The following UBR4 variants were observed in gnomAD, a reference collection of about 807,000 sequenced individuals.
UBR4 encodes the protein ubiquitin protein ligase E3 component n-recognin 4.
In UBR4, 124 loss-of-function variants were observed where a neutral mutation model predicts 575.6. That is an observed-to-expected ratio of 0.22 (90% CI 0.19 to 0.25). UBR4 has a LOEUF of 0.25. Ranked by LOEUF, UBR4 falls within the 10% of genes least tolerant of loss-of-function variation. The pLI, the probability that UBR4 is intolerant of heterozygous loss-of-function variation, is 1.00. For synonymous variants in UBR4, 2,455 were observed against 2,473.7 expected (o/e 0.99, Z 0.22); for missense variants, 4,818 against 6,478.8 (o/e 0.74, Z 8.80).
rs1376021780 is a variant in UBR4, at chr1:19,177,450, T to C, written c.2637+11A>G. 5.0e-6 allele frequency: 8 copies of C among 1,608,328 alleles called. No homozygotes were observed. The highest frequency in any genetic ancestry group is 1.3e-5 in the African/African-American group (1 of 74,818). On this transcript the variant is annotated intron_variant, in intron 19 of 105. Coordinates refer to ENST00000375254, the MANE Select transcript of UBR4 (RefSeq NM_020765.3). The stretch of plus-strand genomic sequence containing the variant: ...TAATGGTGAAGCAAAAAAGAACGTG[T>C]TGGTCTGTACCTGCTCAAATAGATA...
chr1:19,134,758 A>C (rs1391558182), intron 60 of UBR4, among the ~76,000 whole-genome samples: 1 of 151,960 alleles, frequency 6.6e-6, no homozygotes, highest in Non-Finnish European at 1.5e-5. Flanking sequence ...AGAACCTCAC[A>C]GAAGAACCAC....
At chr1:19,086,935 G>A in intron 99 of UBR4, 114 bp from the exon 100 acceptor site, 2 of 1,441,196 alleles carry the variant, frequency 1.4e-6, no homozygotes, top group Middle Eastern at 2.1e-4. Flanking sequence ...GTTTCAGGTT[G>A]CTCTCACTAG....
intron 12 of UBR4, 67 bp downstream of exon 12, chr1:19,187,373 CA>C: frequency 6.2e-7 from 1 of 1,610,466 alleles, no homozygotes; most frequent in Non-Finnish European, 8.5e-7. Flanking sequence ...GTTGATGGAT[CA>C]AGCTTGCTTG....
rs2086034805 is a variant in UBR4, at chr1:19,153,604, G to A, written c.6631-102C>T. On this transcript the variant is annotated intron_variant, in intron 45 of 105. Coordinates refer to ENST00000375254, the MANE Select transcript of UBR4 (RefSeq NM_020765.3). This position sits in a 1 kb window ranked among gnomAD's most constrained non-coding sequence, Gnocchi z 4.1. ...TGCAACTGGTTTCATGGTCAGTTGA[G>A]GGGCTGTACAGAAGGGTGGCAAAGA... The A allele has an allele frequency of 6.6e-7, 1 of 1,507,528 alleles. No homozygotes were observed. Among genetic ancestry groups the A allele is most frequent in the East Asian group, 2.3e-5 (1 of 44,016 alleles). 93.4% of individuals were successfully genotyped at this position (1,507,528 alleles called of 1,614,324 possible). A position where few individuals can be genotyped will look rare whatever the true frequency, so the allele number is the denominator to read the frequency against.
chr1:19,082,502 C>G (rs2076618276), intron 102 of UBR4, among the ~76,000 whole-genome samples: 1 of 152,188 alleles, frequency 6.6e-6, no homozygotes, highest in African/African-American at 2.4e-5. Context: ...GACTTAAGTC[C>G]TTCCTGATGA....
chr1:19,082,129 A>G (rs2076578880), intron 102 of UBR4: 1 of 289,972 alleles, frequency 3.4e-6, no homozygotes, highest in Non-Finnish European at 6.5e-6. Flanking sequence ...CTTCTGATCT[A>G]GGATCCTCCC....
chr1:19,153,901 T>G lies in UBR4; in HGVS notation c.6497A>C (p.Gln2166Pro). 6.2e-7 allele frequency: 1 copy of G among 1,614,144 alleles called. No homozygotes were observed. Among genetic ancestry groups the G allele is most frequent in the Non-Finnish European group, 8.5e-7 (1 of 1,180,008 alleles). ...GGSKTSPALC[Q>P]WSEVMNHPGL... ...AGGGTGGTTCATCACCTCAGACCAC[T>G]GGCAAAGAGCAGGAGAAGTCTTACT... The change falls in exon 45 of 106, where the codon CAG becomes CCG. Residue 2166 changes from glutamine (Q) to proline (P), a missense_variant. By Grantham distance (76) the Gln-to-Pro change is moderately conservative. This residue lies in a region of UBR4 where 461 missense variants were observed against 606.9 expected (regional missense o/e 0.76). Coordinates refer to ENST00000375254, the MANE Select transcript of UBR4 (RefSeq NM_020765.3). The surrounding 1 kb of genome is among the most constrained non-coding windows in gnomAD (Gnocchi z 4.1).
chr1:19,169,383 G>C (rs373849313), intron 27 of UBR4, 52 bp downstream of exon 27: 27 of 1,501,198 alleles, frequency 1.8e-5, no homozygotes, highest in Admixed American at 8.2e-5. Flanking sequence ...AAGAACAAAA[G>C]ACAGAATGGC....
At chr1:19,122,764 C>T (rs1020782132) in intron 66 of UBR4, 69 bp downstream of exon 66, 79 of 1,536,222 alleles carry the variant, frequency 5.1e-5, no homozygotes, top group Admixed American at 4.0e-4. Context: ...TACCTCCAGC[C>T]CTATTACCTA....
chr1:19,180,521 CTAAGT>C (rs1378402295), intron 17 of UBR4, among the ~76,000 whole-genome samples: 2 of 135,564 alleles, frequency 1.5e-5, no homozygotes, highest in Non-Finnish European at 3.1e-5. Flanking sequence ...TTCTTAATTC[CTAAGT>C]TAAATGAAAC....
intron 83 of UBR4, 53 bp downstream of exon 83, chr1:19,106,516 A>T (rs2079216077): frequency 1.3e-6 from 2 of 1,502,572 alleles, no homozygotes; most frequent in Middle Eastern, 1.8e-4. Flanking sequence ...CATATTGCTC[A>T]GAGTCTGGGG....
intron 91 of UBR4, 53 bp downstream of exon 91, chr1:19,097,140 G>A (rs1284347301): frequency 6.6e-7 from 1 of 1,504,592 alleles, no homozygotes; most frequent in Middle Eastern, 2.1e-4. Flanking sequence ...CCTGGGACGT[G>A]AGCCGCTCAT....
intron 7 of UBR4, 95 bp downstream of exon 7, chr1:19,197,575 C>T (rs2092536610): frequency 8.6e-6 from 13 of 1,520,014 alleles, no homozygotes; most frequent in Middle Eastern, 2.1e-4. Flanking sequence ...TACAGTGAAC[C>T]GAGACTGCAC....
At chr1:19,102,653 A>C (rs1476020244) in intron 87 of UBR4, among the ~76,000 whole-genome samples, 1 of 152,192 alleles carries the variant, frequency 6.6e-6, no homozygotes, top group Non-Finnish European at 1.5e-5. Context: ...AGCCAGGGAG[A>C]TAAGCAAAAC....
At chr1:19,077,924 A>T in intron 104 of UBR4, 52 bp downstream of exon 104, 3 of 1,613,034 alleles carry the variant, frequency 1.9e-6, no homozygotes, top group Non-Finnish European at 2.5e-6. Context: ...ACAGGAGTGC[A>T]GACATTTTAC....
Position 19,143,219 on chromosome 1 carries a change from G to A in UBR4, c.8179+761C>T, listed in dbSNP as rs866220217. Among the ~76,000 whole-genome samples, 477 of 99,364 alleles carry A rather than the reference G, an allele frequency of 4.8e-3. 2 individuals carry two copies. Among genetic ancestry groups the A allele is most frequent in the African/African-American group, 0.016 (443 of 27,472 alleles). The allele number at this position is 99,364 out of a possible 152,430, so 65.2% of individuals were successfully genotyped here. ...GAAGGAAGGAAGGAAGGAAAGAAAG[G>A]AAGGAAGGAAGGAAGGCAGGAAGGA... On this transcript the variant is annotated intron_variant, in intron 55 of 105. Transcript: ENST00000375254.
chr1:19,195,266 A>AAAT (rs56018841), intron 8 of UBR4, among the ~76,000 whole-genome samples: 44 of 143,286 alleles, frequency 3.1e-4, no homozygotes, highest in South Asian at 6.6e-4. Flanking sequence ...CTCCATCTCA[A>AAAT]AATAATAATA....
At chr1:19,203,217 C>T (rs1000799533) in intron 1 of UBR4, among the ~76,000 whole-genome samples, 1 of 152,018 alleles carries the variant, frequency 6.6e-6, no homozygotes, top group Non-Finnish European at 1.5e-5. Context: ...TATGGTGGGA[C>T]GCATTGTAGC....
chr1:19,206,291 C>T (rs1201610426), intron 1 of UBR4, among the ~76,000 whole-genome samples: 1 of 151,954 alleles, frequency 6.6e-6, no homozygotes, highest in Non-Finnish European at 1.5e-5. Context: ...CAGCTATAAT[C>T]GTCCCACTGT....
Sources: gnomAD v4.1 joint callset for allele counts (sites outside exome capture counted in the v4.1 genomes callset) on GRCh38, gnomAD v4.1.1 for gene constraint, gnomAD v4.1.1 regional missense constraint, Gnocchi (gnomAD v3.1) non-coding constraint, MANE v1.5 for transcripts, NCBI Gene and HGNC (gene_info 2026-07-23, HGNC 2026-07-21) for gene names.